Variants in LRCH1 observed in about 807,000 individuals in gnomAD.
LRCH1 encodes leucine-rich repeat and calponin homology domain-containing protein 1.
A neutral mutation model predicts 94.9 loss-of-function variants in LRCH1; 23 were observed. That is an observed-to-expected ratio of 0.24 (90% confidence interval 0.17 to 0.34). The LOEUF (loss-of-function observed/expected upper bound fraction) is 0.34. Ranked by LOEUF, LRCH1 falls within the 10% of genes least tolerant of loss-of-function variation. The pLI, the probability that LRCH1 is intolerant of heterozygous loss-of-function variation, is 1.00. For missense variants in LRCH1, 790 were observed against 945.9 expected (o/e 0.84, Z 2.16); for synonymous variants, 364 against 354.9 (o/e 1.03, Z -0.29).
intron 1 of LRCH1, among the ~76,000 whole-genome samples, chr13:46,613,076 G>A (rs2050765034): frequency 6.6e-6 from 1 of 152,276 alleles, no homozygotes; most frequent in Admixed American, 6.5e-5. Context: ...ATATTACCAG[G>A]TTTTTAATTT....
rs570790253 is a variant in LRCH1, at chr13:46,658,140, A to T, written c.452+7795A>T. Among the ~76,000 whole-genome samples the T allele has an allele frequency of 8.5e-5, 13 of 152,230 alleles. No homozygotes were observed. In the South Asian group the frequency reaches 2.7e-3, roughly 32 times the overall value. ...GAACAACATCAGTATTTACACAAGG[A>T]AGGCCTTTGTATTTTTAAAATTTCT... On this transcript the variant is annotated intron_variant, in intron 2 of 19. Transcript: ENST00000389797.
chr13:46,577,536 T>A (rs575016713), intron 1 of LRCH1, among the ~76,000 whole-genome samples: 1 of 152,324 alleles, frequency 6.6e-6, no homozygotes, highest in East Asian at 1.9e-4. Flanking sequence ...TATTCACAGG[T>A]CCTACCTATA....
rs1555269135 is a variant in LRCH1 at position 46,573,867 on chromosome 13, T to TATATATATATATATATA, written c.307+20164_307+20165insATATATATATATATATA. On this transcript the variant is annotated intron_variant, in intron 1 of 19. Transcript: ENST00000389797. ...TCAAATATATATATATATATATATA[T>TATATATATATATATATA]TTTTTTTTTTTTTGAGATGGAGTCT... Among the ~76,000 whole-genome samples, 11 of 53,004 alleles carry TATATATATATATATATA rather than the reference T, an allele frequency of 2.1e-4. No individual in the cohort carries two copies. The East Asian group carries it at 3.8e-3, about 18-fold the overall frequency. The allele number at this position is 53,004 out of a possible 152,430, so 34.8% of individuals were successfully genotyped here. A position where few individuals can be genotyped will look rare whatever the true frequency, so the allele number is the denominator to read the frequency against.
intron 3 of LRCH1, among the ~76,000 whole-genome samples, chr13:46,670,183 T>C (rs1466737174): frequency 2.0e-5 from 3 of 152,216 alleles, no homozygotes; most frequent in Non-Finnish European, 2.9e-5. Flanking sequence ...TAGAAAGACG[T>C]TAGAGCTATA....
At chr13:46,579,169 C>T (rs758240103) in intron 1 of LRCH1, among the ~76,000 whole-genome samples, 2 of 152,158 alleles carry the variant, frequency 1.3e-5, no homozygotes, top group Non-Finnish European at 1.5e-5. Context: ...TCCAGTCCCT[C>T]GTCTAAGCAG....
At chr13:46,635,369 T>C (rs2051071562) in intron 1 of LRCH1, among the ~76,000 whole-genome samples, 1 of 152,190 alleles carries the variant, frequency 6.6e-6, no homozygotes, top group Non-Finnish European at 1.5e-5. Context: ...TCTTCTCAGT[T>C]GTCTGCACTC....
At chr13:46,562,996 C>T (rs904738561) in intron 1 of LRCH1, among the ~76,000 whole-genome samples, 3 of 152,182 alleles carry the variant, frequency 2.0e-5, no homozygotes, top group Non-Finnish European at 4.4e-5. Flanking sequence ...CCTAGAGTCA[C>T]ACTTTATTTT....
In LRCH1 at chr13:46,744,569, A is replaced by C. The variant is rs10507543; in HGVS notation, c.*2721A>C. On this transcript the variant is annotated 3_prime_UTR_variant, in exon 20 of 20. Coordinates refer to ENST00000389797, the MANE Select transcript of LRCH1 (RefSeq NM_001164211.2). ...GAACTACAATGTATGATAATCGAGT[A>C]TAAATTTCATCAATGAGAGTAGATA... is the stretch of plus-strand genomic sequence containing the variant. 1,716 of 985,400 alleles carry C rather than the reference A, an allele frequency of 1.7e-3. 48 individuals carry two copies. In the East Asian group the frequency reaches 0.057, roughly 33 times the overall value. The allele number at this position is 985,400 out of a possible 1,614,324, so 61.0% of individuals were successfully genotyped here.
At chr13:46,561,696 A>G (rs1594244645) in intron 1 of LRCH1, among the ~76,000 whole-genome samples, 1 of 152,168 alleles carries the variant, frequency 6.6e-6, no homozygotes, top group East Asian at 1.9e-4. Context: ...AGCACCATCA[A>G]CACACTGCTT....
rs750942808 is a variant in LRCH1 at position 46,741,722 on chromosome 13, C to G, written c.2166C>G (p.Leu722=). 3.1e-6 allele frequency: 5 copies of G among 1,614,232 alleles called. No individual in the cohort carries two copies. The East Asian group carries it at 1.1e-4, about 36-fold the overall frequency. ...IRKTVDTLLA[L]GEKAPPPTSA... is the part of the protein sequence containing the mutation. ...AGACTGTTGACACTCTGCTGGCACTCGGGGAGAAAGCCCCACCACCAACTT... is the reference window on the plus strand; with the variant it reads ...AGACTGTTGACACTCTGCTGGCACTGGGGGAGAAAGCCCCACCACCAACTT... The change falls in exon 20 of 20, where the codon CTC becomes CTG. Residue 722 remains leucine (L), a synonymous_variant. Transcript: ENST00000389797.
chr13:46,639,349 T>C (rs902093549), intron 1 of LRCH1, among the ~76,000 whole-genome samples: 1 of 152,178 alleles, frequency 6.6e-6, no homozygotes, highest in African/African-American at 2.4e-5. Flanking sequence ...TCCTTGGGAT[T>C]CATTTTCTTT....
intron 3 of LRCH1, among the ~76,000 whole-genome samples, chr13:46,680,858 G>A (rs1326546487): frequency 6.6e-6 from 1 of 152,200 alleles, no homozygotes; most frequent in East Asian, 1.9e-4. Flanking sequence ...ATCCAAGGCG[G>A]AGACTGATGT....
At chr13:46,629,885 G>A (rs981586604) in intron 1 of LRCH1, among the ~76,000 whole-genome samples, 3 of 152,234 alleles carry the variant, frequency 2.0e-5, no homozygotes, top group African/African-American at 7.2e-5. Context: ...GACATCTCTT[G>A]TAGCTGGATG....
At chr13:46,730,572 T>G (rs1017985895) in intron 18 of LRCH1, among the ~76,000 whole-genome samples, 7 of 152,194 alleles carry the variant, frequency 4.6e-5, no homozygotes, top group African/African-American at 1.7e-4. Context: ...ATTGAACATA[T>G]TTTTCTTTCA....
chr13:46,685,760 T>C, intron 4 of LRCH1, 145 bp from the exon 5 acceptor site: 1 of 563,730 alleles, frequency 1.8e-6, no homozygotes, highest in Non-Finnish European at 3.0e-6. Context: ...ACACACCATG[T>C]ATTCCTAATG....
chr13:46,615,392 T>G (rs1256278946), intron 1 of LRCH1, among the ~76,000 whole-genome samples: 5 of 152,114 alleles, frequency 3.3e-5, no homozygotes, highest in Non-Finnish European at 7.4e-5. Context: ...GGAACTCACT[T>G]GCTATGGCAA....
At chr13:46,642,215 C>T (rs945867336) in intron 1 of LRCH1, among the ~76,000 whole-genome samples, 1 of 152,200 alleles carries the variant, frequency 6.6e-6, no homozygotes. Context: ...CTTTTTAATG[C>T]CTGGTGACCA....
intron 1 of LRCH1, among the ~76,000 whole-genome samples, chr13:46,605,734 C>T (rs997864655): frequency 7.9e-5 from 12 of 152,044 alleles, no homozygotes; most frequent in Non-Finnish European, 1.3e-4. Flanking sequence ...ATAGTTTTGA[C>T]CTTTGGGTTT....
chr13:46,708,148 A>T (rs1263826068), intron 13 of LRCH1, among the ~76,000 whole-genome samples: 1 of 152,138 alleles, frequency 6.6e-6, no homozygotes. Context: ...AGCGGCCATT[A>T]TACTTATGTG....
Sources: allele counts gnomAD v4.1 joint callset (sites outside exome capture counted in the v4.1 genomes callset), GRCh38; gene constraint gnomAD v4.1.1; transcripts MANE v1.5; gene names NCBI Gene and HGNC (gene_info 2026-07-23, HGNC 2026-07-21).